PRPF8: variants seen among roughly 807,000 people sequenced by gnomAD.
The protein encoded by PRPF8 is pre-mRNA processing factor 8.
PRPF8 carries 64 observed loss-of-function variants against 285.9 expected under a neutral mutation model. The observed-to-expected ratio is 0.22, with a 90% CI of 0.18 to 0.28. The LOEUF (loss-of-function observed/expected upper bound fraction) is 0.28. Ranked by LOEUF, PRPF8 falls within the 10% of genes least tolerant of loss-of-function variation. The pLI is 1.00. For missense variants in PRPF8, 1,426 were observed against 3,026.7 expected, an observed-to-expected ratio of 0.47 and a Z score of 12.41; for synonymous variants, 1,325 against 1,118.2, an observed-to-expected ratio of 1.18 and a Z score of -3.69.
chr17:1,679,344 C>G lies in PRPF8; in HGVS notation c.1356G>C (p.Lys452Asn). 1 of 1,614,068 alleles carries G rather than the reference C, an allele frequency of 6.2e-7. No individual in the cohort carries two copies. The highest frequency in any genetic ancestry group is 8.5e-7 in the Non-Finnish European group (1 of 1,180,024). ...GCTTCAGGGCATTCAGCACATAGTACTTAAGCAGCTTCTGGTAGGAGACCC... is the reference window on the plus strand; with the variant it reads ...GCTTCAGGGCATTCAGCACATAGTAGTTAAGCAGCTTCTGGTAGGAGACCC... Reference protein sequence around the residue: ...KVRVSYQKLLKYYVLNALKHR... With the variant: ...KVRVSYQKLLNYYVLNALKHR... The change falls in exon 10 of 43, where the codon AAG becomes AAC. Residue 452 changes from lysine to asparagine, a missense_variant. By Grantham distance (94) the Lys-to-Asn change is moderately conservative. Around this residue, in one of 34 missense-constraint regions of PRPF8, gnomAD observed 137 missense variants for 161.2 expected, o/e 0.85. Transcript: ENST00000304992. This position sits in a 1 kb window ranked among gnomAD's most constrained non-coding sequence, Gnocchi z 4.7.
intron 6 of PRPF8, 61 bp downstream of exon 6, chr17:1,681,417 G>C: frequency 1.3e-6 from 2 of 1,492,706 alleles, no homozygotes; most frequent in Non-Finnish European, 9.3e-7. Flanking sequence ...AGGACTTTAA[G>C]GATCAAGATT....
intron 24 of PRPF8, among the ~76,000 whole-genome samples, chr17:1,667,223 A>G (rs372394134): frequency 2.0e-5 from 3 of 152,132 alleles, no homozygotes; most frequent in African/African-American, 7.2e-5. Context: ...ACTGGGGTAA[A>G]GGCAAGTGGA....
Position 1,661,096 on chromosome 17 carries a change from T to C in PRPF8, c.4405A>G (p.Asn1469Asp), listed in dbSNP as rs1911659127. 3.7e-6 allele frequency: 6 copies of C among 1,614,186 alleles called. No homozygotes were observed. Among genetic ancestry groups the C allele is most frequent in the Non-Finnish European group, 5.1e-6 (6 of 1,180,034 alleles). The change falls in exon 28 of 43, where the codon AAC becomes GAC. Residue 1469 changes from asparagine (N) to aspartate (D), a missense_variant. Asn to Asp is a conservative substitution (Grantham distance 23). Coordinates refer to ENST00000304992, the MANE Select transcript of PRPF8 (RefSeq NM_006445.4). This position sits in a 1 kb window ranked among gnomAD's most constrained non-coding sequence, Gnocchi z 7.3. ...RHDGKLWNLN[N>D]YRTDMIQALG... is the part of the protein sequence containing the mutation. ...GCCTGGATCATGTCTGTACGGTAGT[T>C]GTTCAGGTTCCAGAGCTTCCCATCA...
Position 1,650,859 on chromosome 17 carries a change from A to G in PRPF8, c.6951T>C (p.Phe2317=). Residue 2317 remains phenylalanine, a synonymous_variant, in exon 43 of 43, where the codon TTT becomes TTC. Transcript: ENST00000304992. The part of the protein sequence containing the change: ...EVHRPSHFLN[F]ALLQEGEVYS... ...AAACCTCCCCCTCCTGCAGGAGAGCAAAGTTGAGGAAGTGAGAGGGCCTGT... is the reference window on the plus strand; with the variant it reads ...AAACCTCCCCCTCCTGCAGGAGAGCGAAGTTGAGGAAGTGAGAGGGCCTGT... The G allele has an allele frequency of 1.2e-6, 2 of 1,614,162 alleles. No individual in the cohort carries two copies. Among genetic ancestry groups the G allele is most frequent in the Middle Eastern group, 1.6e-4 (1 of 6,062 alleles).
chr17:1,684,379 G>T, intron 2 of PRPF8, 93 bp downstream of exon 2: 5 of 1,248,380 alleles, frequency 4.0e-6, no homozygotes, highest in Non-Finnish European at 5.9e-6. Context: ...GACACCTCAG[G>T]AGCTGCCCAA....
intron 24 of PRPF8, among the ~76,000 whole-genome samples, chr17:1,670,157 G>A (rs1300806188): frequency 1.3e-5 from 2 of 152,186 alleles, no homozygotes; most frequent in Non-Finnish European, 2.9e-5. Context: ...GTGTATATAT[G>A]TACTTAAATA....
At chr17:1,677,451 T>C in intron 14 of PRPF8, 114 bp downstream of exon 14, 1 of 1,515,140 alleles carries the variant, frequency 6.6e-7, no homozygotes, top group East Asian at 2.3e-5. Context: ...GAACTGGACC[T>C]AAAGGCAATC....
intron 37 of PRPF8, 184 bp from the exon 38 acceptor site, chr17:1,654,200 C>T (rs1911228699): frequency 6.0e-6 from 5 of 840,042 alleles, no homozygotes; most frequent in Non-Finnish European, 9.9e-6. Context: ...TTCGTCAGAT[C>T]CAAGCGGGAC....
In PRPF8 at chr17:1,678,631, T is replaced by G. The variant is rs771225175; in HGVS notation, c.1741A>C (p.Ile581Leu). Residue 581 changes from isoleucine (I) to leucine (L), a missense_variant, in exon 13 of 43, where the codon ATA becomes CTA. Transcript: ENST00000304992. ...AFQLADGLQYIFAHVGQLTGM... is the reference protein window; with the variant it reads ...AFQLADGLQYLFAHVGQLTGM... ...GTCAACTGCCCAACATGGGCAAATA[T>G]ATACTGCAATCCATCTGCCAGCTGC... 2 of 1,614,112 alleles carry G rather than the reference T, an allele frequency of 1.2e-6. No homozygotes were observed. The highest frequency in any genetic ancestry group is 2.7e-5 in the African/African-American group (2 of 74,942).
intron 21 of PRPF8, 114 bp from the exon 22 acceptor site, chr17:1,674,006 G>T: frequency 8.9e-7 from 1 of 1,127,606 alleles, no homozygotes; most frequent in Non-Finnish European, 1.3e-6. Context: ...CACCCTCCCC[G>T]GGCTTCATTC....
chr17:1,678,079 C>T (rs1912703726), intron 13 of PRPF8, among the ~76,000 whole-genome samples: 1 of 152,106 alleles, frequency 6.6e-6, no homozygotes, highest in South Asian at 2.1e-4. Context: ...CTTTGGGAGG[C>T]CGAGGAGTGT....
Position 1,677,156 on chromosome 17 carries a change from C to A in PRPF8, c.2001G>T (p.Gly667=), listed in dbSNP as rs1191956746. Residue 667 remains glycine, a synonymous_variant, in exon 15 of 43, where the codon GGG becomes GGT. Transcript: ENST00000304992. ...ARQFEGRHSK[G]VAKTVTKQRV... ...GCTGCTTTGTTACTGTCTTTGCCAC[C>A]CCCTTTGAGTGTCGACCTGGAAGTA... 1.1e-5 allele frequency: 17 copies of A among 1,613,626 alleles called. No homozygotes were observed. Among genetic ancestry groups the A allele is most frequent in the Non-Finnish European group, 1.4e-5 (16 of 1,179,992 alleles).
intron 20 of PRPF8, 58 bp from the exon 21 acceptor site, chr17:1,674,738 A>G (rs8070091): frequency 0.21 from 330,745 of 1,543,094 alleles, 40,824 homozygotes; most frequent in African/African-American, 0.53. Flanking sequence ...GATTCTCCAG[A>G]GTTAACCTCT....
Position 1,673,262 on chromosome 17 carries a change from C to G in PRPF8, c.3658-65G>C. On this transcript the variant is annotated intron_variant, in intron 23 of 42. Transcript: ENST00000304992. This position sits in a 1 kb window ranked among gnomAD's most constrained non-coding sequence, Gnocchi z 5.5. ...CCACAGAAGCAAGAGCCAACTGTGC[C>G]CACCACTCAAGTCTTTCCACCCAAC... 6.9e-6 allele frequency: 11 copies of G among 1,602,980 alleles called. No individual in the cohort carries two copies. The highest frequency in any genetic ancestry group is 9.4e-6 in the Non-Finnish European group (11 of 1,170,276).
intron 24 of PRPF8, among the ~76,000 whole-genome samples, chr17:1,667,360 G>C (rs1347441146): frequency 1.3e-5 from 2 of 152,174 alleles, no homozygotes. Context: ...ATAAATTCCT[G>C]AGGAGCCCAG....
At chr17:1,652,204 TA>T in intron 39 of PRPF8, 2 of 322,586 alleles carry the variant, frequency 6.2e-6, no homozygotes, top group South Asian at 5.5e-5. Context: ...CCACACAGGA[TA>T]TTAACAATCT....
chr17:1,683,296 G>A, intron 3 of PRPF8: 3 of 590,438 alleles, frequency 5.1e-6, no homozygotes, highest in South Asian at 3.9e-5. Context: ...CGCCTGGCCA[G>A]GGACATCTTA....
rs1478282442 is a variant in PRPF8 at position 1,684,837 on chromosome 17, C to G, written c.-69G>C. On this transcript the variant is annotated 5_prime_UTR_variant, in exon 1 of 43. Transcript: ENST00000304992. ...CCGCAGCGCAATGGCGGCCAGACTG[C>G]GTCCGCTCCGCGTTCCCAGCGCCGG... 1.7e-6 allele frequency: 1 copy of G among 595,760 alleles called. No individual in the cohort carries two copies. The highest frequency in any genetic ancestry group is 3.0e-6 in the Non-Finnish European group (1 of 333,800). The allele number at this position is 595,760 out of a possible 1,614,324, so 36.9% of individuals were successfully genotyped here. A position where few individuals can be genotyped will look rare whatever the true frequency, so the allele number is the denominator to read the frequency against.
At chr17:1,654,107 C>CA in intron 37 of PRPF8, 91 bp from the exon 38 acceptor site, 1 of 1,589,526 alleles carries the variant, frequency 6.3e-7, no homozygotes, top group South Asian at 1.1e-5. Context: ...TAGGACAGGA[C>CA]AGCCTATACT....
Sources: gnomAD v4.1 joint callset for allele counts (sites outside exome capture counted in the v4.1 genomes callset) on GRCh38, gnomAD v4.1.1 for gene constraint, gnomAD v4.1.1 regional missense constraint, Gnocchi (gnomAD v3.1) non-coding constraint, MANE v1.5 for transcripts, NCBI Gene and HGNC (gene_info 2026-07-23, HGNC 2026-07-21) for gene names.